SMAD4: variants seen among roughly 807,000 people sequenced by gnomAD.
SMAD4 encodes the protein MAD homolog 4.
A neutral mutation model predicts 63.2 loss-of-function variants in SMAD4; 7 were observed. The observed-to-expected ratio is 0.11, with a 90% CI of 0.06 to 0.21. SMAD4 has a LOEUF of 0.21. Among genes scored for constraint, SMAD4 ranks in the 10% least tolerant of loss-of-function variants. The pLI, the probability that SMAD4 is intolerant of heterozygous loss-of-function variation, is 1.00. For missense variants in SMAD4, 312 were observed against 693.8 expected (o/e 0.45, Z 6.18); for synonymous variants, 215 against 235.4 (o/e 0.91, Z 0.79).
rs1170220093 is a variant in SMAD4, at chr18:51,084,495, G to C, written c.*6028G>C. Reference sequence around the variant, plus strand: ...TTCAAGGACCTGGGAGCCTTCCTTGGGGCTGGGTTGAGGGTGGGGGGTTGG... The same window carrying C: ...TTCAAGGACCTGGGAGCCTTCCTTGCGGCTGGGTTGAGGGTGGGGGGTTGG... On this transcript the variant is annotated 3_prime_UTR_variant, in exon 12 of 12. Coordinates refer to ENST00000342988, the MANE Select transcript of SMAD4 (RefSeq NM_005359.6). The C allele has an allele frequency of 8.9e-6, 2 of 224,518 alleles. No individual in the cohort carries two copies. The highest frequency in any genetic ancestry group is 1.8e-5 in the Non-Finnish European group (2 of 112,708). The allele number at this position is 224,518 out of a possible 1,614,324, so 13.9% of individuals were successfully genotyped here. A position where few individuals can be genotyped will look rare whatever the true frequency, so the allele number is the denominator to read the frequency against.
intron 8 of SMAD4, among the ~76,000 whole-genome samples, chr18:51,060,175 C>T (rs1278462332): frequency 2.6e-5 from 4 of 152,102 alleles, no homozygotes; most frequent in African/African-American, 9.7e-5. Context: ...CTGACTTCAG[C>T]ATTGAATACA....
At position 51,084,007 on chromosome 18, in the gene SMAD4, C is replaced by CAT. The variant is rs1252444953; in HGVS notation, c.*5540_*5541insAT. ...AACACTTAACGCGCGTGCGCACGCG[C>CAT]GCGCGCACACACACACACACACACA... On this transcript the variant is annotated 3_prime_UTR_variant, in exon 12 of 12. Transcript: ENST00000342988. The CAT allele has an allele frequency of 4.3e-5, 3 of 70,338 alleles. No individual in the cohort carries two copies. Among genetic ancestry groups the CAT allele is most frequent in the African/African-American group, 1.4e-4 (3 of 21,482 alleles). The allele number at this position is 70,338 out of a possible 1,614,324, so 4.4% of individuals were successfully genotyped here. A position where few individuals can be genotyped will look rare whatever the true frequency, so the allele number is the denominator to read the frequency against.
chr18:51,040,176 C>T (rs1909331941), intron 1 of SMAD4, among the ~76,000 whole-genome samples: 2 of 151,992 alleles, frequency 1.3e-5, no homozygotes, highest in African/African-American at 4.8e-5. Flanking sequence ...ACCTGTAATC[C>T]AGCACTTTGG....
At chr18:51,042,908 C>T (rs911838746) in intron 1 of SMAD4, among the ~76,000 whole-genome samples, 3 of 152,132 alleles carry the variant, frequency 2.0e-5, no homozygotes, top group Admixed American at 2.0e-4. Context: ...TGCCATTGTG[C>T]TATTTGAGTT....
At chr18:51,072,272 T>A (rs953916146) in intron 10 of SMAD4, among the ~76,000 whole-genome samples, 5 of 152,224 alleles carry the variant, frequency 3.3e-5, no homozygotes, top group African/African-American at 1.2e-4. Context: ...CTGTCTTTTT[T>A]ATTTTAGCCA....
rs139948252 is a variant in SMAD4, at chr18:51,044,831, A to G, written c.-127-2089A>G. 269 of 152,330 alleles carry G rather than the reference A, an allele frequency of 1.8e-3. 1 individual carries two copies. Among genetic ancestry groups the G allele is most frequent in the African/African-American group, 6.3e-3 (262 of 41,562 alleles). The allele number at this position is 152,330 out of a possible 1,614,324, so 9.4% of individuals were successfully genotyped here. On this transcript the variant is annotated intron_variant, in intron 1 of 11. Coordinates refer to ENST00000342988, the MANE Select transcript of SMAD4 (RefSeq NM_005359.6). Reference sequence around the variant, plus strand: ...TTCAGAGTAACTTCATTTTCTGACTACTATGAAAACTGGAATTCTAATTCA... The same window carrying G: ...TTCAGAGTAACTTCATTTTCTGACTGCTATGAAAACTGGAATTCTAATTCA...
intron 1 of SMAD4, among the ~76,000 whole-genome samples, chr18:51,040,568 G>GA (rs1203974531): frequency 1.3e-5 from 2 of 151,992 alleles, no homozygotes; most frequent in African/African-American, 2.4e-5. Flanking sequence ...TAACATCTGA[G>GA]AAAAAATGTC....
chr18:51,060,015 C>T, intron 8 of SMAD4, 99 bp downstream of exon 8: 1 of 857,754 alleles, frequency 1.2e-6, no homozygotes, highest in Non-Finnish European at 2.0e-6. Context: ...GGTCACTTCT[C>T]AGATGAGTAC....
intron 1 of SMAD4, among the ~76,000 whole-genome samples, chr18:51,038,890 G>A (rs1909288979): frequency 6.6e-6 from 1 of 152,128 alleles, no homozygotes; most frequent in South Asian, 2.1e-4. Flanking sequence ...CTTTAATAAT[G>A]AAGAGTATAA....
At chr18:51,034,400 C>T (rs1909143113) in intron 1 of SMAD4, among the ~76,000 whole-genome samples, 1 of 152,152 alleles carries the variant, frequency 6.6e-6, no homozygotes, top group South Asian at 2.1e-4. Flanking sequence ...GCGTGCGCCA[C>T]CATGCCAAGC....
Position 51,035,423 on chromosome 18 carries a change from T to C in SMAD4, c.-128+4800T>C, listed in dbSNP as rs567688725. Among the ~76,000 whole-genome samples the C allele has an allele frequency of 7.9e-5, 12 of 152,270 alleles. No homozygotes were observed. In the South Asian group the frequency reaches 2.5e-3, roughly 32 times the overall value. ...TTGGTCTGGTGGCTCACATCTATAA[T>C]CTCAGCACTTCAGGAGGCTAAGGCA... On this transcript the variant is annotated intron_variant, in intron 1 of 11. Coordinates refer to ENST00000342988, the MANE Select transcript of SMAD4 (RefSeq NM_005359.6).
intron 10 of SMAD4, among the ~76,000 whole-genome samples, chr18:51,067,745 T>C (rs2144454529): frequency 6.6e-6 from 1 of 152,294 alleles, no homozygotes; most frequent in African/African-American, 2.4e-5. Context: ...CAAAGGCTCT[T>C]GAAAATACTG....
At chr18:51,053,377 A>G (rs1488455547) in intron 4 of SMAD4, 6 of 152,134 alleles carry the variant, frequency 3.9e-5, no homozygotes, top group Admixed American at 1.3e-4. Flanking sequence ...AGACATACCA[A>G]TTTTGTGCCC....
intron 8 of SMAD4, among the ~76,000 whole-genome samples, chr18:51,060,580 T>G (rs1909981367): frequency 6.6e-6 from 1 of 152,212 alleles, no homozygotes; most frequent in South Asian, 2.1e-4. Context: ...TTGGAAACTA[T>G]AAACTCAATT....
intron 10 of SMAD4, among the ~76,000 whole-genome samples, chr18:51,073,463 A>ATCATTTTTTACATT (rs1910387906): frequency 6.8e-6 from 1 of 147,182 alleles, no homozygotes; most frequent in East Asian, 2.0e-4. Context: ...ATTAAAAAAA[A>ATCATTTTTTACATT]GTAGTTGTGG....
intron 8 of SMAD4, among the ~76,000 whole-genome samples, chr18:51,063,141 C>G (rs752692629): frequency 6.6e-6 from 1 of 151,992 alleles, no homozygotes; most frequent in Non-Finnish European, 1.5e-5. Context: ...CGTGATCTAC[C>G]GTGCCTGGCC....
intron 2 of SMAD4, among the ~76,000 whole-genome samples, chr18:51,047,603 T>C (rs1425619938): frequency 1.3e-5 from 2 of 151,898 alleles, no homozygotes. Context: ...TTGTAGCCTG[T>C]TGTTTTCTTT....
chr18:51,064,237 T>G (rs1158456906), intron 8 of SMAD4, among the ~76,000 whole-genome samples: 1 of 152,220 alleles, frequency 6.6e-6, no homozygotes, highest in East Asian at 1.9e-4. Context: ...GGTCTTTGCT[T>G]TCGCTTCCTC....
In SMAD4 at chr18:51,055,023, A is replaced by G. The variant is rs759421456; in HGVS notation, c.667+30A>G. On this transcript the variant is annotated intron_variant, in intron 5 of 11. Transcript: ENST00000342988. The stretch of plus-strand genomic sequence containing the variant: ...GTTCTAGAATCAGATGTAGTCAGCA[A>G]GTTGAGTTTTCCTAATCATTGCTTA... 10 of 1,542,656 alleles carry G rather than the reference A, an allele frequency of 6.5e-6. No individual in the cohort carries two copies. The highest frequency in any genetic ancestry group is 8.1e-6 in the Non-Finnish European group (9 of 1,115,806).
Sources: allele counts gnomAD v4.1 joint callset (sites outside exome capture counted in the v4.1 genomes callset), GRCh38; gene constraint gnomAD v4.1.1; transcripts MANE v1.5; gene names NCBI Gene and HGNC (gene_info 2026-07-23, HGNC 2026-07-21).